The following NTSR1 variants were observed in gnomAD, a reference collection of about 807,000 sequenced individuals.
The protein encoded by NTSR1 is neurotensin receptor 1.
In NTSR1, 29 loss-of-function variants were observed where a neutral mutation model predicts 31.2. The observed-to-expected ratio is 0.93, with a 90% CI of 0.69 to 1.27. The LOEUF (loss-of-function observed/expected upper bound fraction) is 1.27. Ranked by LOEUF, NTSR1 falls within the 50% of genes most tolerant of loss-of-function variation. NTSR1 has a pLI of 0.00. For synonymous variants in NTSR1, 282 were observed against 269.9 expected (o/e 1.04, Z -0.44); for missense variants, 697 against 595.4 (o/e 1.17, Z -1.78).
At chr20:62,713,716 C>T (rs969990602) in intron 1 of NTSR1, among the ~76,000 whole-genome samples, 2 of 152,214 alleles carry the variant, frequency 1.3e-5, no homozygotes, top group Non-Finnish European at 2.9e-5. Flanking sequence ...GCGGGTCATG[C>T]GGCATTGGGC....
Position 62,708,968 on chromosome 20 carries a change from CG to C in NTSR1, c.-237del. On this transcript the variant is annotated 5_prime_UTR_variant, in exon 1 of 4. Coordinates refer to ENST00000370501, the MANE Select transcript of NTSR1 (RefSeq NM_002531.3). This position sits in a 1 kb window ranked among gnomAD's most constrained non-coding sequence, Gnocchi z 5.9. ...AGCCGGGAGACAGCCCGAGGAACCA[CG>C]GGTTCTGGAGCTAGGAGCCGGAAGC... The C allele has an allele frequency of 2.4e-6, 1 of 418,998 alleles. No individual in the cohort carries two copies. Among genetic ancestry groups the C allele is most frequent in the Non-Finnish European group, 4.2e-6 (1 of 239,284 alleles). The allele number at this position is 418,998 out of a possible 1,614,324, so 26.0% of individuals were successfully genotyped here. A position where few individuals can be genotyped will look rare whatever the true frequency, so the allele number is the denominator to read the frequency against.
intron 1 of NTSR1, 53 bp downstream of exon 1, chr20:62,709,974 G>A: frequency 7.4e-7 from 1 of 1,360,518 alleles, no homozygotes; most frequent in African/African-American, 1.5e-5. Flanking sequence ...CCCAAAAGCA[G>A]TGCCAGTGGT....
intron 1 of NTSR1, among the ~76,000 whole-genome samples, chr20:62,729,424 T>G (rs1259582491): frequency 6.6e-6 from 1 of 152,000 alleles, no homozygotes; most frequent in African/African-American, 2.4e-5. Context: ...GAGACAGGGA[T>G]TGTGGTGCAG....
At chr20:62,735,972 A>T (rs561182596) in intron 1 of NTSR1, among the ~76,000 whole-genome samples, 1 of 152,362 alleles carries the variant, frequency 6.6e-6, no homozygotes, top group South Asian at 2.1e-4. Flanking sequence ...TTCTGTATTC[A>T]ACTGTTCCCT....
chr20:62,749,578 G>A (rs1989358529), intron 1 of NTSR1, among the ~76,000 whole-genome samples: 1 of 152,034 alleles, frequency 6.6e-6, no homozygotes, highest in Non-Finnish European at 1.5e-5. Context: ...ACAGCAAAAC[G>A]AAAAGGCAGT....
At chr20:62,753,940 C>T (rs1470310708) in intron 1 of NTSR1, among the ~76,000 whole-genome samples, 21 of 152,228 alleles carry the variant, frequency 1.4e-4, no homozygotes, top group Admixed American at 1.2e-3. Flanking sequence ...AGCCAGGAGT[C>T]GCAGAAGGAG....
chr20:62,721,229 A>G (rs1988823290), intron 1 of NTSR1, among the ~76,000 whole-genome samples: 1 of 151,934 alleles, frequency 6.6e-6, no homozygotes, highest in Admixed American at 6.5e-5. Context: ...TCATTTTTCC[A>G]TTTATTTCAA....
chr20:62,719,838 A>T (rs1407856597), intron 1 of NTSR1, among the ~76,000 whole-genome samples: 2 of 152,134 alleles, frequency 1.3e-5, no homozygotes, highest in African/African-American at 4.8e-5. Context: ...GGTTATCTTC[A>T]TCTGGTTTTC....
chr20:62,737,864 A>T (rs905454481), intron 1 of NTSR1, among the ~76,000 whole-genome samples: 2 of 9,950 alleles, frequency 2.0e-4, no homozygotes, highest in African/African-American at 3.9e-4. Flanking sequence ...GGTCCTCCCC[A>T]CCCCCCACAC....
At position 62,709,521 on chromosome 20, in the gene NTSR1, T is replaced by A. The variant is rs747438027; in HGVS notation, c.314T>A (p.Leu105Gln). Reference sequence around the variant, plus strand: ...CTGCAGAGCACGGTGCATTACCACCTGGGCAGCCTGGCGCTGTCCGACCTG... The same window carrying A: ...CTGCAGAGCACGGTGCATTACCACCAGGGCAGCCTGGCGCTGTCCGACCTG... The part of the protein sequence containing the change: ...QSLQSTVHYH[L>Q]GSLALSDLLT... The change falls in exon 1 of 4, where the codon CTG (leucine) becomes CAG (glutamine). Residue 105 changes from leucine to glutamine, a missense_variant. Physicochemically the swap from Leu to Gln is moderately radical, Grantham distance 113. Transcript: ENST00000370501. 2 of 1,612,424 alleles carry A rather than the reference T, an allele frequency of 1.2e-6. No individual in the cohort carries two copies. The highest frequency in any genetic ancestry group is 2.2e-5 in the South Asian group (2 of 91,084).
chr20:62,720,835 GTATTCTAATT>G (rs1988817094), intron 1 of NTSR1, among the ~76,000 whole-genome samples: 1 of 152,034 alleles, frequency 6.6e-6, no homozygotes, highest in Non-Finnish European at 1.5e-5. Flanking sequence ...TTTGAACATT[GTATTCTAATT>G]TAGATCAAAA....
Position 62,754,681 on chromosome 20 carries a change from GCAGGT to G in NTSR1, c.715-1_718del, listed in dbSNP as rs765468021. 54 of 1,611,146 alleles carry G rather than the reference GCAGGT, an allele frequency of 3.4e-5. No homozygotes were observed. Among genetic ancestry groups the G allele is most frequent in the Non-Finnish European group, 4.6e-5 (54 of 1,179,204 alleles). ...CTGACAGCCTCGCCCTTCCTCTCCT[GCAGGT>G]CAACACCTTCATGTCCTTCATATTC... is the stretch of plus-strand genomic sequence containing the variant. On this transcript the variant is annotated splice_acceptor_variant and splice_polypyrimidine_tract_variant and coding_sequence_variant and intron_variant, in exon 2 of 4. Coordinates refer to ENST00000370501, the MANE Select transcript of NTSR1 (RefSeq NM_002531.3). LOFTEE classifies it high-confidence loss of function.
chr20:62,710,108 C>A (rs1190363812), intron 1 of NTSR1, among the ~76,000 whole-genome samples, 187 bp downstream of exon 1: 1 of 152,236 alleles, frequency 6.6e-6, no homozygotes, highest in South Asian at 2.1e-4. Flanking sequence ...CTATCTTCTT[C>A]CCTCCTGTTG....
At chr20:62,724,112 C>T (rs558486152) in intron 1 of NTSR1, among the ~76,000 whole-genome samples, 6 of 152,334 alleles carry the variant, frequency 3.9e-5, no homozygotes, top group African/African-American at 1.2e-4. Context: ...CAAGATTCTG[C>T]CCCGCTCAGA....
intron 1 of NTSR1, among the ~76,000 whole-genome samples, chr20:62,734,864 T>C (rs901748947): frequency 6.6e-6 from 1 of 152,274 alleles, no homozygotes; most frequent in African/African-American, 2.4e-5. Context: ...TTTTGTAACA[T>C]AGCTACTGGT....
In NTSR1 at chr20:62,760,904, C is replaced by CT. The variant is rs1989611431; in HGVS notation, c.*637_*638insT. 2 of 152,586 alleles carry CT rather than the reference C, an allele frequency of 1.3e-5. No individual in the cohort carries two copies. Among genetic ancestry groups the CT allele is most frequent in the Non-Finnish European group, 2.9e-5 (2 of 68,334 alleles). The allele number at this position is 152,586 out of a possible 1,614,324, so 9.5% of individuals were successfully genotyped here. Reference sequence around the variant, plus strand: ...CACCCTCGCCGCAGGCAGCTGCAGCCCCCAGAGGGGACCACAAGCCCAAAA... The same window carrying CT: ...CACCCTCGCCGCAGGCAGCTGCAGCCTCCCAGAGGGGACCACAAGCCCAAAA... On this transcript the variant is annotated 3_prime_UTR_variant, in exon 4 of 4. Coordinates refer to ENST00000370501, the MANE Select transcript of NTSR1 (RefSeq NM_002531.3).
intron 1 of NTSR1, among the ~76,000 whole-genome samples, chr20:62,726,633 C>T (rs542127434): frequency 1.3e-4 from 19 of 150,842 alleles, no homozygotes; most frequent in African/African-American, 3.9e-4. Flanking sequence ...AGGTCAAGGC[C>T]GCAATGAGTC....
In NTSR1 at chr20:62,760,593, A is replaced by C; in HGVS notation, c.*326A>C. The C allele has an allele frequency of 3.6e-6, 1 of 275,736 alleles. No homozygotes were observed. Among genetic ancestry groups the C allele is most frequent in the Non-Finnish European group, 6.9e-6 (1 of 144,556 alleles). The allele number at this position is 275,736 out of a possible 1,614,324, so 17.1% of individuals were successfully genotyped here. On this transcript the variant is annotated 3_prime_UTR_variant, in exon 4 of 4. Coordinates refer to ENST00000370501, the MANE Select transcript of NTSR1 (RefSeq NM_002531.3). ...AAAAGGCAGTTTTCTTTGTTCTCAG[A>C]CTAATGGATGGTTCCAGAGAAGGAA...
intron 1 of NTSR1, among the ~76,000 whole-genome samples, chr20:62,746,187 G>A (rs1443108528): frequency 6.6e-6 from 1 of 152,214 alleles, no homozygotes; most frequent in Non-Finnish European, 1.5e-5. Context: ...CTGGCCGTCT[G>A]CTTCCTGTTC....
Sources: allele counts gnomAD v4.1 joint callset (sites outside exome capture counted in the v4.1 genomes callset), GRCh38; gene constraint gnomAD v4.1.1; non-coding constraint Gnocchi (gnomAD v3.1); transcripts MANE v1.5; gene names NCBI Gene and HGNC (gene_info 2026-07-23, HGNC 2026-07-21).